Variants in EDNRA observed in about 807,000 individuals in gnomAD.
The protein encoded by EDNRA is endothelin receptor type A.
A neutral mutation model predicts 41.4 loss-of-function variants in EDNRA; 11 were observed. That is an observed-to-expected ratio of 0.27 (90% CI 0.17 to 0.44). EDNRA has a LOEUF of 0.44. Ranked by LOEUF, EDNRA falls within the 20% of genes least tolerant of loss-of-function variation. EDNRA has a pLI of 1.00. For missense variants in EDNRA, 294 were observed against 531.0 expected, an observed-to-expected ratio of 0.55 and a Z score of 4.39; for synonymous variants, 172 against 183.0, an observed-to-expected ratio of 0.94 and a Z score of 0.49.
intron 7 of EDNRA, 46 bp from the exon 8 acceptor site, chr4:147,542,432 A>G: frequency 1.9e-6 from 3 of 1,611,902 alleles, no homozygotes; most frequent in Non-Finnish European, 1.7e-6. Context: ...TTGGCCGGGA[A>G]TGGGCTGGTA....
intron 3 of EDNRA, among the ~76,000 whole-genome samples, chr4:147,523,473 T>C (rs1408306438): frequency 9.5e-6 from 1 of 104,996 alleles, no homozygotes; most frequent in Non-Finnish European, 1.8e-5. Context: ...TTTTTTTTGT[T>C]GTTGTTGTTT....
At chr4:147,518,107 T>C (rs1730179443) in intron 2 of EDNRA, among the ~76,000 whole-genome samples, 1 of 152,228 alleles carries the variant, frequency 6.6e-6, no homozygotes, top group African/African-American at 2.4e-5. Flanking sequence ...CTACACTGTT[T>C]TAATTACATA....
intron 2 of EDNRA, among the ~76,000 whole-genome samples, chr4:147,516,025 TCAGGGGCTTTAA>T (rs1252682963): frequency 6.6e-6 from 1 of 152,222 alleles, no homozygotes; most frequent in African/African-American, 2.4e-5. Flanking sequence ...CAGGTGGGGA[TCAGGGGCTTTAA>T]CTATATTTCA....
intron 1 of EDNRA, among the ~76,000 whole-genome samples, chr4:147,482,603 A>G (rs1351126211): frequency 6.6e-6 from 1 of 152,228 alleles, no homozygotes; most frequent in African/African-American, 2.4e-5. Flanking sequence ...ATAATATGAC[A>G]TCCACAGGCC....
intron 2 of EDNRA, chr4:147,493,546 C>G (rs1423029670): frequency 6.6e-6 from 1 of 152,056 alleles, no homozygotes; most frequent in Non-Finnish European, 1.5e-5. Flanking sequence ...GATATACTGC[C>G]AGAAATTCTA....
chr4:147,537,582 G>A (rs1730958830), intron 5 of EDNRA, among the ~76,000 whole-genome samples: 2 of 148,626 alleles, frequency 1.3e-5, no homozygotes, highest in African/African-American at 2.6e-5. Flanking sequence ...ATTTAATTTT[G>A]GAATAATATT....
intron 7 of EDNRA, among the ~76,000 whole-genome samples, chr4:147,541,766 C>G (rs546765408): frequency 4.4e-4 from 67 of 152,190 alleles, no homozygotes; most frequent in African/African-American, 1.4e-3. Context: ...GAAATGTTTG[C>G]CAGTCACAAA....
chr4:147,528,098 T>G (rs1350541963), intron 3 of EDNRA, among the ~76,000 whole-genome samples: 1 of 152,222 alleles, frequency 6.6e-6, no homozygotes, highest in Non-Finnish European at 1.5e-5. Flanking sequence ...GGTTACACAG[T>G]ACATCTGTGT....
chr4:147,485,676 C>T lies in EDNRA; in HGVS notation c.-6C>T. 6.3e-7 allele frequency: 1 copy of T among 1,576,314 alleles called. No homozygotes were observed. Among genetic ancestry groups the T allele is most frequent in the South Asian group, 1.2e-5 (1 of 84,956 alleles). On this transcript the variant is annotated 5_prime_UTR_variant, in exon 2 of 8. Transcript: ENST00000651419. ...ATAAGAGATATTTCCTCAAATTTGCCTCAAGATGGAAACCCTTTGCCTCAG... is the reference window on the plus strand; with the variant it reads ...ATAAGAGATATTTCCTCAAATTTGCTTCAAGATGGAAACCCTTTGCCTCAG...
Position 147,535,335 on chromosome 4 carries a change from G to T in EDNRA, c.748-542G>T, listed in dbSNP as rs560264164. On this transcript the variant is annotated intron_variant, in intron 4 of 7. Transcript: ENST00000651419. ...ATAGCTATTGAAGTTCAAAGCGGCTGGCTTTAAGGTCACATAGCAGGCATA... is the reference window on the plus strand; with the variant it reads ...ATAGCTATTGAAGTTCAAAGCGGCTTGCTTTAAGGTCACATAGCAGGCATA... Among the ~76,000 whole-genome samples the T allele has an allele frequency of 1.1e-4, 17 of 152,284 alleles. No individual in the cohort carries two copies. In the South Asian group the frequency reaches 3.5e-3, roughly 32 times the overall value.
chr4:147,514,465 T>C (rs1359953171), intron 2 of EDNRA, among the ~76,000 whole-genome samples: 2 of 151,940 alleles, frequency 1.3e-5, no homozygotes, highest in Non-Finnish European at 2.9e-5. Context: ...CGATTTTTTC[T>C]TTTTCTTTTT....
chr4:147,520,787 C>A (rs1004298982), intron 3 of EDNRA, among the ~76,000 whole-genome samples: 1 of 152,168 alleles, frequency 6.6e-6, no homozygotes, highest in African/African-American at 2.4e-5. Context: ...TATCAGGGAA[C>A]CTGAGTCTCA....
intron 2 of EDNRA, among the ~76,000 whole-genome samples, chr4:147,515,984 A>G (rs1408804286): frequency 6.6e-6 from 1 of 152,216 alleles, no homozygotes; most frequent in Non-Finnish European, 1.5e-5. Flanking sequence ...TTCCTATATT[A>G]ATCTCTGCTG....
At chr4:147,498,956 TAAATGGGCATAATCTC>T (rs1729409948) in intron 2 of EDNRA, among the ~76,000 whole-genome samples, 1 of 152,228 alleles carries the variant, frequency 6.6e-6, no homozygotes, top group Non-Finnish European at 1.5e-5. Flanking sequence ...CCCCAAGAAG[TAAATGGGCATAATCTC>T]AAGAAATCAA....
At chr4:147,534,378 G>A (rs954604785) in intron 4 of EDNRA, among the ~76,000 whole-genome samples, 2 of 152,196 alleles carry the variant, frequency 1.3e-5, no homozygotes, top group Admixed American at 6.5e-5. Flanking sequence ...AAGCAGTTTA[G>A]AATAAACCAA....
intron 2 of EDNRA, among the ~76,000 whole-genome samples, chr4:147,498,354 G>A (rs1434001695): frequency 6.6e-6 from 1 of 152,160 alleles, no homozygotes; most frequent in Non-Finnish European, 1.5e-5. Flanking sequence ...CATCATAAAG[G>A]AAGTCAACCC....
At chr4:147,538,416 C>T (rs1730986145) in intron 5 of EDNRA, among the ~76,000 whole-genome samples, 1 of 152,194 alleles carries the variant, frequency 6.6e-6, no homozygotes, top group South Asian at 2.1e-4. Flanking sequence ...GCTGCCTTAA[C>T]AAATCAAGAC....
chr4:147,484,428 G>A (rs1018386016), intron 1 of EDNRA, among the ~76,000 whole-genome samples: 8 of 152,126 alleles, frequency 5.3e-5, no homozygotes, highest in Non-Finnish European at 1.0e-4. Flanking sequence ...TAACAGCTCC[G>A]GCTCAGAGTT....
intron 3 of EDNRA, among the ~76,000 whole-genome samples, chr4:147,529,749 A>G (rs1363320581): frequency 6.6e-6 from 1 of 152,226 alleles, no homozygotes; most frequent in Non-Finnish European, 1.5e-5. Context: ...TGAGAAAAGC[A>G]TATTTGTGTG....
Sources: gnomAD v4.1 joint callset for allele counts (sites outside exome capture counted in the v4.1 genomes callset) on GRCh38, gnomAD v4.1.1 for gene constraint, MANE v1.5 for transcripts, NCBI Gene and HGNC (gene_info 2026-07-23, HGNC 2026-07-21) for gene names.